CARNMT1: variants seen among roughly 807,000 people sequenced by gnomAD.
The protein encoded by CARNMT1 is protein-L-histidine N-pros-methyltransferase CARNMT1.
CARNMT1 carries 28 observed loss-of-function variants against 49.6 expected under a neutral mutation model. The ratio of observed to expected loss-of-function variants is 0.56; its 90% CI spans 0.42 to 0.77. CARNMT1 has a LOEUF of 0.77. Among genes scored for constraint, CARNMT1 ranks in the 30% least tolerant of loss-of-function variants. The pLI is 0.00. For synonymous variants in CARNMT1, 178 were observed against 175.0 expected, an observed-to-expected ratio of 1.02 and a Z score of -0.13; for missense variants, 421 against 512.6, an observed-to-expected ratio of 0.82 and a Z score of 1.73.
rs771819384 is a variant in CARNMT1, at chr9:75,016,450, T to C, written c.427-19A>G. 4 of 1,611,752 alleles carry C rather than the reference T, an allele frequency of 2.5e-6. No homozygotes were observed. In the African/African-American group the frequency reaches 5.3e-5, roughly 22 times the overall value. On this transcript the variant is annotated intron_variant, in intron 2 of 7. Coordinates refer to ENST00000376834, the MANE Select transcript of CARNMT1 (RefSeq NM_152420.3). ...CATTCCCCTGTTTAAAAAACAGACA[T>C]CAATTAGCTTCTGAGAGAGTAATCC... is the stretch of plus-strand genomic sequence containing the variant.
intron 1 of CARNMT1, among the ~76,000 whole-genome samples, chr9:75,025,413 T>G (rs1822495194): frequency 6.6e-6 from 1 of 152,240 alleles, no homozygotes; most frequent in Non-Finnish European, 1.5e-5. Context: ...TACAGATAAT[T>G]TTATGCAACT....
intron 7 of CARNMT1, among the ~76,000 whole-genome samples, chr9:74,984,157 A>G (rs556841337): frequency 6.6e-6 from 1 of 152,344 alleles, no homozygotes; most frequent in South Asian, 2.1e-4. Context: ...TTGTTTCTAA[A>G]ATGGAATGCT....
Position 75,020,331 on chromosome 9 carries a change from G to A in CARNMT1, c.231-2883C>T, listed in dbSNP as rs1230568035. 4.1e-4 allele frequency among the ~76,000 whole-genome samples: 57 copies of A among 140,072 alleles called. 1 individual carries two copies. The Admixed American group carries it at 4.3e-3, about 11-fold the overall frequency. The allele number at this position is 140,072 out of a possible 152,430, so 91.9% of individuals were successfully genotyped here. A position where few individuals can be genotyped will look rare whatever the true frequency, so the allele number is the denominator to read the frequency against. ...TGCCCAGGCTGGAATGCAGTAGCAC[G>A]ATCTCAGCTCACTGCAACCTCCCCC... On this transcript the variant is annotated intron_variant, in intron 1 of 7. Transcript: ENST00000376834.
chr9:75,017,572 A>G, intron 1 of CARNMT1, 124 bp from the exon 2 acceptor site: 1 of 786,222 alleles, frequency 1.3e-6, no homozygotes, highest in Non-Finnish European at 2.0e-6. Flanking sequence ...TATCATTTAC[A>G]ATCTCTTGGC....
Position 75,016,442 on chromosome 9 carries a change from A to C in CARNMT1, c.427-11T>G. 1 of 1,612,496 alleles carries C rather than the reference A, an allele frequency of 6.2e-7. No individual in the cohort carries two copies. The highest frequency in any genetic ancestry group is 2.2e-5 in the East Asian group (1 of 44,852). ...AATCTTTCCATTCCCCTGTTTAAAA[A>C]ACAGACATCAATTAGCTTCTGAGAG... On this transcript the variant is annotated splice_polypyrimidine_tract_variant and intron_variant, in intron 2 of 7. Transcript: ENST00000376834.
chr9:75,003,906 C>T lies in CARNMT1; in HGVS notation c.591-4036G>A, dbSNP rs921314550. On this transcript the variant is annotated intron_variant, in intron 3 of 7. Transcript: ENST00000376834. The stretch of plus-strand genomic sequence containing the variant: ...TCTGTTTTGCTATGAGACGGAGTCT[C>T]GCTCTGTCGCCCAGGCTAGAGTGCA... 2.6e-5 allele frequency among the ~76,000 whole-genome samples: 4 copies of T among 152,204 alleles called. No individual in the cohort carries two copies. The South Asian group carries it at 6.2e-4, about 24-fold the overall frequency.
intron 5 of CARNMT1, 46 bp from the exon 6 acceptor site, chr9:74,996,606 T>G (rs1244498477): frequency 8.0e-6 from 9 of 1,123,492 alleles, no homozygotes; most frequent in Non-Finnish European, 1.2e-5. Flanking sequence ...GTTATTTTGC[T>G]TTTTTCTTTT....
chr9:75,021,291 A>AGTATATAT (rs1822346873), intron 1 of CARNMT1, among the ~76,000 whole-genome samples: 1 of 134,516 alleles, frequency 7.4e-6, no homozygotes, highest in Admixed American at 7.5e-5. Context: ...GTATATACAT[A>AGTATATAT]GTATATATAC....
At chr9:75,023,014 C>G (rs1412206769) in intron 1 of CARNMT1, among the ~76,000 whole-genome samples, 1 of 151,820 alleles carries the variant, frequency 6.6e-6, no homozygotes, top group Non-Finnish European at 1.5e-5. Flanking sequence ...TGGTGGCATG[C>G]GCCTGTAATC....
intron 3 of CARNMT1, among the ~76,000 whole-genome samples, chr9:75,013,991 G>GA (rs796949404): frequency 0.011 from 196 of 18,010 alleles, 1 homozygote; most frequent in Middle Eastern, 0.083. Context: ...GAGAGAGAGA[G>GA]AAAAAAAAAA....
At chr9:75,011,270 C>G (rs1303096088) in intron 3 of CARNMT1, among the ~76,000 whole-genome samples, 1 of 152,078 alleles carries the variant, frequency 6.6e-6, no homozygotes, top group Non-Finnish European at 1.5e-5. Context: ...GCAGACAGAC[C>G]CTGTAGTGGT....
chr9:74,997,272 C>T (rs1833215108), intron 5 of CARNMT1, among the ~76,000 whole-genome samples: 2 of 152,200 alleles, frequency 1.3e-5, no homozygotes, highest in South Asian at 2.1e-4. Flanking sequence ...CAACACCTAA[C>T]ATCTTCCATC....
chr9:74,995,789 C>T lies in CARNMT1; in HGVS notation c.1024+658G>A, dbSNP rs117973326. Among the ~76,000 whole-genome samples, 503 of 152,144 alleles carry T rather than the reference C, an allele frequency of 3.3e-3. 2 individuals carry two copies. Among genetic ancestry groups the T allele is most frequent in the East Asian group, 0.026 (134 of 5,176 alleles). On this transcript the variant is annotated intron_variant, in intron 6 of 7. Transcript: ENST00000376834. ...TTCTGAACACAGATTATATATCTCA[C>T]GAAAGAATACATGTATATCTACCTG...
intron 1 of CARNMT1, among the ~76,000 whole-genome samples, chr9:75,021,631 A>G (rs1334168721): frequency 8.6e-5 from 13 of 152,030 alleles, no homozygotes; most frequent in Non-Finnish European, 7.4e-5. Flanking sequence ...CTTTTGGCAC[A>G]TTTCCGTTTT....
intron 3 of CARNMT1, chr9:75,009,847 T>C (rs1192292962): frequency 2.0e-5 from 3 of 152,158 alleles, no homozygotes; most frequent in African/African-American, 7.2e-5. Context: ...GTGGAACTTA[T>C]TGTTATAAGG....
At chr9:75,021,474 C>CCATA in intron 1 of CARNMT1, among the ~76,000 whole-genome samples, 1 of 144,068 alleles carries the variant, frequency 6.9e-6, no homozygotes. Context: ...AATATATATA[C>CCATA]TATATATATA....
intron 6 of CARNMT1, among the ~76,000 whole-genome samples, chr9:74,994,806 T>C (rs1833138576): frequency 6.6e-6 from 1 of 152,162 alleles, no homozygotes; most frequent in South Asian, 2.1e-4. Context: ...ATAACTATTT[T>C]TAAGGACTGT....
At chr9:74,990,088 G>C (rs1410610512) in intron 6 of CARNMT1, among the ~76,000 whole-genome samples, 3 of 152,270 alleles carry the variant, frequency 2.0e-5, no homozygotes, top group Non-Finnish European at 4.4e-5. Flanking sequence ...AAGAAATAAT[G>C]GCTATTGTTA....
intron 1 of CARNMT1, among the ~76,000 whole-genome samples, chr9:75,023,740 T>A (rs1054395301): frequency 1.3e-5 from 2 of 152,246 alleles, no homozygotes; most frequent in African/African-American, 4.8e-5. Flanking sequence ...TACAGTCTTA[T>A]TGGTACAAAG....
Sources: gnomAD v4.1 joint callset for allele counts (sites outside exome capture counted in the v4.1 genomes callset) on GRCh38, gnomAD v4.1.1 for gene constraint, MANE v1.5 for transcripts, NCBI Gene and HGNC (gene_info 2026-07-23, HGNC 2026-07-21) for gene names.